C2CD5: variants seen among roughly 807,000 people sequenced by gnomAD.
C2CD5 encodes the protein C2 domain-containing protein 5.
A neutral mutation model predicts 130.3 loss-of-function variants in C2CD5; 109 were observed. The observed-to-expected ratio is 0.84, with a 90% CI of 0.72 to 0.98. The LOEUF is 0.98. C2CD5 is among the 50% of genes least tolerant of loss of function. The pLI, the probability that C2CD5 is intolerant of heterozygous loss-of-function variation, is 0.00. For synonymous variants in C2CD5, 454 were observed against 429.2 expected (o/e 1.06, Z -0.71); for missense variants, 996 against 1,261.8 (o/e 0.79, Z 3.19).
chr12:22,544,425 G>C lies in C2CD5; in HGVS notation c.-135C>G, dbSNP rs1952752592. 1 of 320,152 alleles carries C rather than the reference G, an allele frequency of 3.1e-6. No individual in the cohort carries two copies. The highest frequency in any genetic ancestry group is 2.2e-5 in the African/African-American group (1 of 45,252). 19.8% of individuals were successfully genotyped at this position (320,152 alleles called of 1,614,324 possible). Reference sequence around the variant, plus strand: ...GGTTCTTCCGTCCCGGCCCCACAAGGCTGGGACGAAAAGCAAAACCCAGTC... The same window carrying C: ...GGTTCTTCCGTCCCGGCCCCACAAGCCTGGGACGAAAAGCAAAACCCAGTC... On this transcript the variant is annotated 5_prime_UTR_variant, in exon 1 of 27. Coordinates refer to ENST00000446597, the MANE Select transcript of C2CD5 (RefSeq NM_001286176.2).
chr12:22,485,976 T>C (rs1945440473), intron 12 of C2CD5, among the ~76,000 whole-genome samples: 1 of 152,078 alleles, frequency 6.6e-6, no homozygotes, highest in South Asian at 2.1e-4. Flanking sequence ...CTAAGCATTA[T>C]ACGAGTCAAA....
chr12:22,485,325 G>A (rs1945333517), intron 12 of C2CD5, among the ~76,000 whole-genome samples: 7 of 152,028 alleles, frequency 4.6e-5, no homozygotes, highest in Admixed American at 4.6e-4. Flanking sequence ...GTGGCAGGCT[G>A]GAGGGAAGGT....
intron 10 of C2CD5, among the ~76,000 whole-genome samples, chr12:22,499,500 TA>T: frequency 6.6e-6 from 1 of 152,222 alleles, no homozygotes; most frequent in Non-Finnish European, 1.5e-5. Flanking sequence ...ATAAAGCACT[TA>T]AAAGAGTACG....
chr12:22,470,847 G>T lies in C2CD5; in HGVS notation c.2423C>A (p.Pro808His). 6.2e-7 allele frequency: 1 copy of T among 1,610,874 alleles called. No individual in the cohort carries two copies. Among genetic ancestry groups the T allele is most frequent in the Non-Finnish European group, 8.5e-7 (1 of 1,177,394 alleles). Reference protein sequence around the residue: ...KNQALQTTKTPVEKSLQRAST... With the variant: ...KNQALQTTKTHVEKSLQRAST... ...ACCTCTTTGCAATGACTTTTCAACA[G>T]GGGTTTTTGTGGTTTGTAAAGCCTG... Residue 808 changes from proline to histidine, a missense_variant, in exon 21 of 27, where the codon CCT (proline) becomes CAT (histidine). Pro to His is a moderately conservative substitution (Grantham distance 77). Transcript: ENST00000446597.
chr12:22,527,331 T>TA (rs577439968), intron 4 of C2CD5, among the ~76,000 whole-genome samples: 7,851 of 117,054 alleles, frequency 0.067, 326 homozygotes, highest in African/African-American at 0.18. Flanking sequence ...TATATATATA[T>TA]TTTTTTTTTT....
chr12:22,449,813 G>A lies in C2CD5; in HGVS notation c.3103C>T (p.Gln1035Ter). Residue 1035 changes from glutamine to a stop codon, truncating the protein, a stop_gained, in exon 27 of 27, where the codon CAA becomes TAA. Transcript: ENST00000446597. LOFTEE classifies it high-confidence loss of function. ...GATGACTGGCAGTTGGTAGTAGGTT[G>A]CTGAGATGACACCACTTCTAAGTCA... is the stretch of plus-strand genomic sequence containing the variant. The part of the protein sequence containing the change: ...ESDLEVVSSQ[Q>*]PTTNCQSSCT... The A allele has an allele frequency of 1.2e-6, 2 of 1,610,600 alleles. No homozygotes were observed. The highest frequency in any genetic ancestry group is 1.7e-6 in the Non-Finnish European group (2 of 1,177,426).
chr12:22,489,004 T>G (rs1357671359), intron 12 of C2CD5, among the ~76,000 whole-genome samples: 2 of 151,544 alleles, frequency 1.3e-5, no homozygotes, highest in East Asian at 2.0e-4. Context: ...GCCTCCTGAG[T>G]AGCTGGGATT....
rs746076510 is a variant in C2CD5, at chr12:22,535,257, C to T, written c.177+1G>A. 6.4e-7 allele frequency: 1 copy of T among 1,561,610 alleles called. No individual in the cohort carries two copies. Among genetic ancestry groups the T allele is most frequent in the Non-Finnish European group, 8.8e-7 (1 of 1,134,288 alleles). On this transcript the variant is annotated splice_donor_variant, in intron 3 of 26. Coordinates refer to ENST00000446597, the MANE Select transcript of C2CD5 (RefSeq NM_001286176.2). LOFTEE classifies it high-confidence loss of function. The stretch of plus-strand genomic sequence containing the variant: ...AAAAATGCTGACATTTAAAAACTTA[C>T]CTCAAATTTAAACCACTCCGAGTTC...
chr12:22,513,721 T>C (rs1199717289), intron 8 of C2CD5, among the ~76,000 whole-genome samples: 1 of 152,118 alleles, frequency 6.6e-6, no homozygotes, highest in Non-Finnish European at 1.5e-5. Flanking sequence ...ACAATTACTA[T>C]GCTAACAATT....
intron 10 of C2CD5, among the ~76,000 whole-genome samples, chr12:22,506,286 C>T (rs1375446286): frequency 6.6e-6 from 1 of 152,140 alleles, no homozygotes; most frequent in Non-Finnish European, 1.5e-5. Context: ...GGACAACAGG[C>T]ACATGCTACT....
chr12:22,493,222 C>T lies in C2CD5; in HGVS notation c.1262+1G>A. ...AAAATCAAGTTGTTATTATCATTTA[C>T]CAGATGCTAGTTGATTCACTGTAGC... On this transcript the variant is annotated splice_donor_variant, in intron 11 of 26. Coordinates refer to ENST00000446597, the MANE Select transcript of C2CD5 (RefSeq NM_001286176.2). LOFTEE classifies it high-confidence loss of function. 2 of 1,509,686 alleles carry T rather than the reference C, an allele frequency of 1.3e-6. No homozygotes were observed. The highest frequency in any genetic ancestry group is 1.4e-5 in the African/African-American group (1 of 72,682). 93.5% of individuals were successfully genotyped at this position (1,509,686 alleles called of 1,614,324 possible).
chr12:22,483,717 T>G lies in C2CD5; in HGVS notation c.1551-974A>C, dbSNP rs77904080. ...ATTTTAGAAGAAAAATCAACGGACT[T>G]TGTAATAAATTTGATGTGGGGAGGT... is the stretch of plus-strand genomic sequence containing the variant. On this transcript the variant is annotated intron_variant, in intron 13 of 26. Coordinates refer to ENST00000446597, the MANE Select transcript of C2CD5 (RefSeq NM_001286176.2). 1.1e-4 allele frequency among the ~76,000 whole-genome samples: 17 copies of G among 152,126 alleles called. No individual in the cohort carries two copies. The East Asian group carries it at 3.3e-3, about 29-fold the overall frequency.
rs974965591 is a variant in C2CD5 at position 22,448,595 on chromosome 12, C to T, written c.*1165G>A. On this transcript the variant is annotated 3_prime_UTR_variant, in exon 27 of 27. Transcript: ENST00000446597. ...AGGAATATTCCAGTTTATTTTTATA[C>T]ACTTTTTATTTAAAAAATAAAATTA... is the stretch of plus-strand genomic sequence containing the variant. 3 of 152,032 alleles carry T rather than the reference C, an allele frequency of 2.0e-5. No homozygotes were observed. Among genetic ancestry groups the T allele is most frequent in the Non-Finnish European group, 4.4e-5 (3 of 67,990 alleles). The allele number at this position is 152,032 out of a possible 1,614,324, so 9.4% of individuals were successfully genotyped here.
intron 10 of C2CD5, among the ~76,000 whole-genome samples, chr12:22,495,181 A>T (rs1330925295): frequency 6.6e-6 from 1 of 152,154 alleles, no homozygotes; most frequent in Admixed American, 6.6e-5. Flanking sequence ...CTAGAAGTTT[A>T]AAATATTATT....
chr12:22,484,230 T>C (rs1945146430), intron 13 of C2CD5: 1 of 152,588 alleles, frequency 6.6e-6, no homozygotes, highest in African/African-American at 2.4e-5. Flanking sequence ...ATGGATTTGG[T>C]AACCTGGCAG....
At chr12:22,524,873 G>A (rs1950591794) in intron 5 of C2CD5, among the ~76,000 whole-genome samples, 1 of 152,060 alleles carries the variant, frequency 6.6e-6, no homozygotes, top group Non-Finnish European at 1.5e-5. Context: ...AACTGCATTT[G>A]TATAATTTGG....
chr12:22,516,396 A>C (rs1387596431), intron 8 of C2CD5, among the ~76,000 whole-genome samples: 2 of 151,770 alleles, frequency 1.3e-5, no homozygotes, highest in Non-Finnish European at 1.5e-5. Flanking sequence ...TAGGAAAAAA[A>C]TTATTTAGAG....
intron 10 of C2CD5, among the ~76,000 whole-genome samples, chr12:22,501,324 C>A (rs1338955488): frequency 4.6e-5 from 7 of 152,106 alleles, no homozygotes; most frequent in Non-Finnish European, 8.8e-5. Flanking sequence ...TTACGTGGGA[C>A]AACGTCCTTA....
chr12:22,532,459 CAG>C (rs750538019), intron 3 of C2CD5, among the ~76,000 whole-genome samples: 2 of 151,508 alleles, frequency 1.3e-5, no homozygotes, highest in Non-Finnish European at 2.9e-5. Context: ...TGAAAAAAAA[CAG>C]AGGCTCCAAA....
Sources: gnomAD v4.1 joint callset for allele counts (sites outside exome capture counted in the v4.1 genomes callset) on GRCh38, gnomAD v4.1.1 for gene constraint, MANE v1.5 for transcripts, NCBI Gene and HGNC (gene_info 2026-07-23, HGNC 2026-07-21) for gene names.